Variants in BFSP1 observed in about 807,000 individuals in gnomAD.
BFSP1 encodes the protein beaded filament structural protein 1.
BFSP1 carries 38 observed loss-of-function variants against 43.9 expected under a neutral mutation model. That is an observed-to-expected ratio of 0.87 (90% CI 0.67 to 1.14). The LOEUF (loss-of-function observed/expected upper bound fraction) is 1.14, where lower values mean the gene tolerates loss of function less well. Among genes scored for constraint, BFSP1 ranks in the 50% most tolerant of loss-of-function variants. The pLI is 0.00. For synonymous variants in BFSP1, 352 were observed against 354.8 expected, an observed-to-expected ratio of 0.99 and a Z score of 0.09; for missense variants, 850 against 875.1, an observed-to-expected ratio of 0.97 and a Z score of 0.36.
At chr20:17,495,143 G>C in intron 7 of BFSP1, 114 bp from the exon 8 acceptor site, 1 of 1,015,868 alleles carries the variant, frequency 9.8e-7, no homozygotes. Context: ...TAGTACTAGG[G>C]TGGGGCTTCC....
At chr20:17,556,138 A>T (rs1195526955) in intron 1 of BFSP1, among the ~76,000 whole-genome samples, 2 of 152,256 alleles carry the variant, frequency 1.3e-5, no homozygotes, top group Admixed American at 1.3e-4. Context: ...AAAGTTAGGT[A>T]TCTCACAATA....
chr20:17,542,607 A>G (rs2034737051), intron 1 of BFSP1, among the ~76,000 whole-genome samples: 1 of 152,242 alleles, frequency 6.6e-6, no homozygotes. Flanking sequence ...TTAAAAAGAA[A>G]AAAAAAAGTC....
At chr20:17,535,771 T>C (rs2034618413), upstream of BFSP1, among the ~76,000 whole-genome samples, 1 of 152,154 alleles carries the variant, frequency 6.6e-6, no homozygotes, top group South Asian at 2.1e-4. Context: ...TGTGATCACC[T>C]TTGCAGTATA....
intron 1 of BFSP1, among the ~76,000 whole-genome samples, chr20:17,551,265 A>G (rs1568716470): frequency 6.6e-6 from 1 of 152,176 alleles, no homozygotes; most frequent in Admixed American, 6.5e-5. Context: ...GTTTTTACTC[A>G]TGGTAGAAGG....
intron 1 of BFSP1, among the ~76,000 whole-genome samples, chr20:17,554,575 TA>T (rs1243850938): frequency 6.6e-6 from 1 of 152,152 alleles, no homozygotes; most frequent in Non-Finnish European, 1.5e-5. Context: ...TGAAAAGTCT[TA>T]CAAAAATAAG....
chr20:17,527,715 G>A (rs913196775), intron 1 of BFSP1, among the ~76,000 whole-genome samples: 1 of 150,362 alleles, frequency 6.7e-6, no homozygotes, highest in African/African-American at 2.5e-5. Flanking sequence ...GTGACAGAGC[G>A]AGACTCTGTA....
chr20:17,558,630 C>CA, intron 1 of BFSP1: 2 of 1,530,626 alleles, frequency 1.3e-6, no homozygotes, highest in Non-Finnish European at 1.8e-6. Flanking sequence ...TTCTTTAAAG[C>CA]AAAAAGAAAA....
intron 3 of BFSP1, 133 bp from the exon 4 acceptor site, chr20:17,512,201 C>A (rs2034100152): frequency 3.0e-6 from 2 of 666,626 alleles, no homozygotes; most frequent in Admixed American, 5.2e-5. Context: ...TGACCAGGTT[C>A]AGGAGGAAGA....
At position 17,541,594 on chromosome 20, in the gene BFSP1, A is replaced by G. The variant is rs538313998; in HGVS notation, c.3-16686T>C. On this transcript the variant is annotated intron_variant, in intron 1 of 7. Coordinates refer to the BFSP1 transcript ENST00000377868. The stretch of plus-strand genomic sequence containing the variant: ...ATAAGACACATGAAAAGAAAAAGTT[A>G]ATTCCTTGGAAAAGAGCTTTCTATT... Among the ~76,000 whole-genome samples, 6 of 152,362 alleles carry G rather than the reference A, an allele frequency of 3.9e-5. No homozygotes were observed. The East Asian group carries it at 9.6e-4, about 24-fold the overall frequency.
At chr20:17,534,593 C>A (rs2034597754), upstream of BFSP1, among the ~76,000 whole-genome samples, 1 of 152,222 alleles carries the variant, frequency 6.6e-6, no homozygotes, top group East Asian at 1.9e-4. Flanking sequence ...CCAGATAAAT[C>A]CCAAAGAAGG....
intron 1 of BFSP1, among the ~76,000 whole-genome samples, chr20:17,554,336 C>T (rs1333392737): frequency 1.3e-5 from 2 of 151,920 alleles, no homozygotes; most frequent in African/African-American, 4.8e-5. Context: ...AACACAAAAC[C>T]AAAATAAAAC....
chr20:17,510,126 G>C (rs897221201), intron 4 of BFSP1, among the ~76,000 whole-genome samples: 1 of 152,144 alleles, frequency 6.6e-6, no homozygotes, highest in Non-Finnish European at 1.5e-5. Flanking sequence ...TTTCTCAATC[G>C]GTGCTTCTCT....
In BFSP1 at chr20:17,508,934, C is replaced by T. The variant is rs2123480977; in HGVS notation, c.690G>A (p.Glu230=). The change falls in exon 5 of 8, where the codon GAG becomes GAA. Residue 230 remains glutamate, a synonymous_variant. Coordinates refer to ENST00000377873, the MANE Select transcript of BFSP1 (RefSeq NM_001195.5). ...TCTGCGCCTGCAGGTGGGAGAGCAC[C>T]TCCCGGCCCTCCTCCAGCTGACTCC... The part of the protein sequence containing the change: ...ALRSQLEEGR[E]VLSHLQAQRV... 2 of 1,605,366 alleles carry T rather than the reference C, an allele frequency of 1.2e-6. No individual in the cohort carries two copies. Among genetic ancestry groups the T allele is most frequent in the East Asian group, 4.5e-5 (2 of 44,328 alleles).
chr20:17,561,102 C>G (rs1024015927), upstream of BFSP1, among the ~76,000 whole-genome samples: 3 of 152,118 alleles, frequency 2.0e-5, no homozygotes, highest in Admixed American at 1.3e-4. Context: ...TTCATCTATC[C>G]TTAAAAAAAT....
chr20:17,524,079 C>G (rs1486577409), intron 2 of BFSP1, among the ~76,000 whole-genome samples: 2 of 152,146 alleles, frequency 1.3e-5, no homozygotes, highest in African/African-American at 4.8e-5. Context: ...AGCCTTTCCA[C>G]TAAATAGTCT....
chr20:17,563,915 C>T (rs1046294165), upstream of BFSP1, among the ~76,000 whole-genome samples: 16 of 148,648 alleles, frequency 1.1e-4, no homozygotes, highest in Non-Finnish European at 1.3e-4. Flanking sequence ...AAAGAGGATA[C>T]CCTTTTTATC....
rs1303167618 is a variant in BFSP1 at position 17,525,023 on chromosome 20, G to C, written c.378-115C>G. 1.1e-6 allele frequency: 1 copy of C among 902,302 alleles called. No individual in the cohort carries two copies. Among genetic ancestry groups the C allele is most frequent in the African/African-American group, 1.7e-5 (1 of 60,330 alleles). 55.9% of individuals were successfully genotyped at this position (902,302 alleles called of 1,614,324 possible). Reference sequence around the variant, plus strand: ...ACGATGCCCTCTCCTTTAAGGAGAGGGTCTTAATTTTAAAGTAGTAGCTAA... The same window carrying C: ...ACGATGCCCTCTCCTTTAAGGAGAGCGTCTTAATTTTAAAGTAGTAGCTAA... On this transcript the variant is annotated intron_variant, in intron 1 of 7. Coordinates refer to ENST00000377873, the MANE Select transcript of BFSP1 (RefSeq NM_001195.5). This position sits in a 1 kb window ranked among gnomAD's most constrained non-coding sequence, Gnocchi z 4.2.
At chr20:17,497,609 T>C (rs1445799469) in intron 6 of BFSP1, among the ~76,000 whole-genome samples, 6 of 111,848 alleles carry the variant, frequency 5.4e-5, no homozygotes, top group Non-Finnish European at 1.1e-4. Flanking sequence ...TATATATACG[T>C]ATATATACAT....
rs148281730 is a variant in BFSP1, at chr20:17,494,379, G to A, written c.1693C>T (p.Arg565Trp). 8.7e-5 allele frequency: 141 copies of A among 1,614,022 alleles called. No individual in the cohort carries two copies. Among genetic ancestry groups the A allele is most frequent in the African/African-American group, 2.5e-4 (19 of 74,908 alleles). Residue 565 changes from arginine (R) to tryptophan (W), a missense_variant, in exon 8 of 8, where the codon CGG (arginine) becomes TGG (tryptophan). Transcript: ENST00000377873. Reference sequence around the variant, plus strand: ...CAGGGTCTCCTGGACTCTTCGTCCCGCTCCTCACCCTCACGTTTCTCTTCA... The same window carrying A: ...CAGGGTCTCCTGGACTCTTCGTCCCACTCCTCACCCTCACGTTTCTCTTCA... ...GPEEKREGEERDEESRRPCAM... is the reference protein window; with the variant it reads ...GPEEKREGEEWDEESRRPCAM...
Sources: allele counts gnomAD v4.1 joint callset (sites outside exome capture counted in the v4.1 genomes callset), GRCh38; gene constraint gnomAD v4.1.1; non-coding constraint Gnocchi (gnomAD v3.1); transcripts MANE v1.5; gene names NCBI Gene and HGNC (gene_info 2026-07-23, HGNC 2026-07-21).